The following PTPRT variants were observed in gnomAD, a reference collection of about 807,000 sequenced individuals.
PTPRT encodes the protein protein tyrosine phosphatase receptor type T.
A neutral mutation model predicts 176.8 loss-of-function variants in PTPRT; 56 were observed. That is an observed-to-expected ratio of 0.32 (90% confidence interval 0.26 to 0.40). The LOEUF is 0.40. Ranked by LOEUF, PTPRT falls within the 10% of genes least tolerant of loss-of-function variation. The pLI is 1.00. For missense variants in PTPRT, 1,540 were observed against 1,908.2 expected (o/e 0.81, Z 3.60); for synonymous variants, 783 against 739.0 (o/e 1.06, Z -0.96).
chr20:43,122,736 T>C (rs1467706101), intron 1 of PTPRT, among the ~76,000 whole-genome samples: 2 of 152,166 alleles, frequency 1.3e-5, no homozygotes, highest in African/African-American at 4.8e-5. Context: ...CTTCCTGAGG[T>C]CCTCGCAAAA....
At chr20:42,542,901 C>T (rs547384078) in intron 7 of PTPRT, among the ~76,000 whole-genome samples, 1 of 152,278 alleles carries the variant, frequency 6.6e-6, no homozygotes, top group African/African-American at 2.4e-5. Flanking sequence ...GTTATGTGTA[C>T]ACTATAGTCT....
the PTPRT span, among the ~76,000 whole-genome samples, chr20:42,047,339 T>C: frequency 6.6e-6 from 1 of 152,308 alleles, no homozygotes; most frequent in South Asian, 2.1e-4. Context: ...GGACCTATAC[T>C]ACCCCTGGGG....
rs117298953 is a variant in PTPRT, at chr20:42,744,450, T to C, written c.859+12012A>G. Among the ~76,000 whole-genome samples the C allele has an allele frequency of 1.5e-3, 226 of 152,308 alleles. 1 individual carries two copies. The highest frequency in any genetic ancestry group is 1.7e-3 in the Non-Finnish European group (116 of 68,028). The stretch of plus-strand genomic sequence containing the variant: ...TTTCAGATCGTACAGAATTTGGACG[T>C]TTAAGCCCAATATCAGTGGGAAAGG... On this transcript the variant is annotated intron_variant, in intron 6 of 30. Transcript: ENST00000373187.
In PTPRT at chr20:42,851,488, G is replaced by C. The variant is rs138858785; in HGVS notation, c.214+34319C>G. Among the ~76,000 whole-genome samples, 41 of 152,138 alleles carry C rather than the reference G, an allele frequency of 2.7e-4. No homozygotes were observed. In the East Asian group the frequency reaches 6.8e-3, roughly 25 times the overall value. ...GCATCTATAATTATAATACCTCCCT[G>C]CCTACCTGGGGTATTCCTTTTACTC... On this transcript the variant is annotated intron_variant, in intron 2 of 30. Transcript: ENST00000373187.
chr20:42,554,399 CT>C (rs2072824645), intron 7 of PTPRT, among the ~76,000 whole-genome samples: 1 of 152,136 alleles, frequency 6.6e-6, no homozygotes, highest in Admixed American at 6.5e-5. Flanking sequence ...TAAATGCTGG[CT>C]GCATCATCTC....
At chr20:42,605,388 CT>C (rs1194405753) in intron 7 of PTPRT, among the ~76,000 whole-genome samples, 1 of 152,156 alleles carries the variant, frequency 6.6e-6, no homozygotes, top group African/African-American at 2.4e-5. Flanking sequence ...TCATCAGTCC[CT>C]GAGTGAGAAA....
downstream of PTPRT, among the ~76,000 whole-genome samples, chr20:42,071,997 T>G (rs982525935): frequency 9.9e-5 from 15 of 152,202 alleles, no homozygotes; most frequent in Admixed American, 6.5e-5. Context: ...GAGGGGTCTA[T>G]GTCAAGAAGT....
chr20:42,330,889 A>G (rs1332454862), intron 11 of PTPRT, among the ~76,000 whole-genome samples: 1 of 152,216 alleles, frequency 6.6e-6, no homozygotes, highest in Non-Finnish European at 1.5e-5. Context: ...GGAAATGCAG[A>G]GTCCCAGGCC....
intron 9 of PTPRT, among the ~76,000 whole-genome samples, chr20:42,427,662 G>C (rs1389742016): frequency 6.6e-6 from 1 of 152,162 alleles, no homozygotes; most frequent in Non-Finnish European, 1.5e-5. Context: ...TAATACCACT[G>C]TCAGGCCTCT....
chr20:42,118,571 C>T (rs16986527), intron 20 of PTPRT, 71 bp from the exon 21 acceptor site: 74,459 of 1,396,540 alleles, frequency 0.053, 2,322 homozygotes, highest in Middle Eastern at 0.11. Flanking sequence ...TTTGTCCCCC[C>T]GGTTGGTCAA....
At chr20:42,752,991 G>T (rs763179232) in intron 6 of PTPRT, among the ~76,000 whole-genome samples, 1 of 152,140 alleles carries the variant, frequency 6.6e-6, no homozygotes, top group Non-Finnish European at 1.5e-5. Context: ...GGGGCAGGGG[G>T]TGAGGGTAGG....
At chr20:42,543,386 A>T (rs993033452) in intron 7 of PTPRT, among the ~76,000 whole-genome samples, 2 of 152,186 alleles carry the variant, frequency 1.3e-5, no homozygotes, top group African/African-American at 2.4e-5. Flanking sequence ...TTGCTTGTCC[A>T]TAAGAAGCAA....
intron 10 of PTPRT, among the ~76,000 whole-genome samples, chr20:42,351,270 A>G (rs1189838842): frequency 6.6e-6 from 1 of 152,180 alleles, no homozygotes; most frequent in African/African-American, 2.4e-5. Context: ...TTCTGAATTT[A>G]TTCCTAAAGC....
intron 1 of PTPRT, among the ~76,000 whole-genome samples, chr20:42,940,459 G>A (rs1446853705): frequency 3.9e-5 from 6 of 152,162 alleles, no homozygotes; most frequent in Non-Finnish European, 8.8e-5. Flanking sequence ...GACCAGAAAA[G>A]CAACATGAAA....
At chr20:42,571,727 G>A (rs999343440) in intron 7 of PTPRT, among the ~76,000 whole-genome samples, 1 of 152,118 alleles carries the variant, frequency 6.6e-6, no homozygotes, top group African/African-American at 2.4e-5. Context: ...GGCAACTTTG[G>A]TAGATGATCC....
At chr20:42,522,542 C>T (rs2072194920) in intron 7 of PTPRT, among the ~76,000 whole-genome samples, 1 of 152,026 alleles carries the variant, frequency 6.6e-6, no homozygotes, top group South Asian at 2.1e-4. Flanking sequence ...CTTACTGCAA[C>T]CTCCGCCTCC....
At chr20:42,831,723 A>G (rs887273617) in intron 2 of PTPRT, among the ~76,000 whole-genome samples, 2 of 152,236 alleles carry the variant, frequency 1.3e-5, no homozygotes, top group African/African-American at 4.8e-5. Context: ...AAGGACATGA[A>G]CAGACACTTC....
chr20:43,069,364 T>C (rs1324799283), intron 1 of PTPRT, among the ~76,000 whole-genome samples: 1 of 152,200 alleles, frequency 6.6e-6, no homozygotes, highest in Non-Finnish European at 1.5e-5. Flanking sequence ...ACCATCTCCA[T>C]CTGCAATAAC....
At chr20:42,128,539 T>C (rs1987970608) in intron 19 of PTPRT, among the ~76,000 whole-genome samples, 1 of 152,158 alleles carries the variant, frequency 6.6e-6, no homozygotes, top group East Asian at 1.9e-4. Flanking sequence ...AGACTAACAG[T>C]TGTCCTGAGG....
Sources: allele counts gnomAD v4.1 joint callset (sites outside exome capture counted in the v4.1 genomes callset), GRCh38; gene constraint gnomAD v4.1.1; transcripts MANE v1.5; gene names NCBI Gene and HGNC (gene_info 2026-07-23, HGNC 2026-07-21).